VWA8: variants seen among roughly 807,000 people sequenced by gnomAD.
The protein encoded by VWA8 is von Willebrand factor A domain-containing protein 8.
VWA8 carries 221 observed loss-of-function variants against 241.5 expected under a neutral mutation model. The ratio of observed to expected loss-of-function variants is 0.91; its 90% CI spans 0.82 to 1.02. VWA8 has a LOEUF of 1.02. Ranked by LOEUF, VWA8 falls within the 50% of genes least tolerant of loss-of-function variation. VWA8 has a pLI of 0.00. For missense variants in VWA8, 2,322 were observed against 2,328.7 expected, an observed-to-expected ratio of 1.00 and a Z score of 0.06; for synonymous variants, 852 against 827.1, an observed-to-expected ratio of 1.03 and a Z score of -0.52.
In VWA8 at chr13:41,761,286, C is replaced by A; in HGVS notation, c.2350-82G>T. Reference sequence around the variant, plus strand: ...ATGCCAAATCAGAAGAATCTTTTACCAAAACCTGCTTTCTCACCTTGTTAC... The same window carrying A: ...ATGCCAAATCAGAAGAATCTTTTACAAAAACCTGCTTTCTCACCTTGTTAC... On this transcript the variant is annotated intron_variant, in intron 20 of 44. Coordinates refer to ENST00000379310, the MANE Select transcript of VWA8 (RefSeq NM_015058.2). 7 of 1,350,410 alleles carry A rather than the reference C, an allele frequency of 5.2e-6. No individual in the cohort carries two copies. The African/African-American group carries it at 5.9e-5, about 11-fold the overall frequency. The allele number at this position is 1,350,410 out of a possible 1,614,324, so 83.7% of individuals were successfully genotyped here.
intron 30 of VWA8, 129 bp downstream of exon 30, chr13:41,692,733 C>A: frequency 3.2e-6 from 2 of 616,840 alleles, no homozygotes; most frequent in Non-Finnish European, 2.9e-6. Context: ...TCTATACGTG[C>A]ATAACAGGAA....
intron 21 of VWA8, among the ~76,000 whole-genome samples, chr13:41,755,024 T>C (rs977441184): frequency 6.6e-6 from 1 of 152,090 alleles, no homozygotes; most frequent in Non-Finnish European, 1.5e-5. Flanking sequence ...GACCCTTAGG[T>C]TGCTTCTTCC....
intron 12 of VWA8, among the ~76,000 whole-genome samples, chr13:41,852,613 C>A (rs576459228): frequency 4.5e-4 from 69 of 152,154 alleles, no homozygotes; most frequent in Non-Finnish European, 8.4e-4. Flanking sequence ...TGTATTTAAT[C>A]CATTCTTAGT....
intron 17 of VWA8, among the ~76,000 whole-genome samples, chr13:41,792,918 T>C (rs1869524057): frequency 6.6e-6 from 1 of 152,100 alleles, no homozygotes; most frequent in African/African-American, 2.4e-5. Context: ...ATAAATAACC[T>C]CACTAAACTC....
At chr13:41,899,052 C>T (rs915994891) in intron 4 of VWA8, among the ~76,000 whole-genome samples, 1 of 152,228 alleles carries the variant, frequency 6.6e-6, no homozygotes, top group Non-Finnish European at 1.5e-5. Flanking sequence ...GGCTGAAGGA[C>T]TCCTCAAGTG....
intron 4 of VWA8, among the ~76,000 whole-genome samples, chr13:41,894,763 C>T (rs1177174670): frequency 6.6e-6 from 1 of 152,120 alleles, no homozygotes; most frequent in Non-Finnish European, 1.5e-5. Context: ...GTCAATGTGA[C>T]CAGTAATGAG....
At chr13:41,619,407 A>G (rs2044642502) in intron 37 of VWA8, among the ~76,000 whole-genome samples, 2 of 152,200 alleles carry the variant, frequency 1.3e-5, no homozygotes, top group Admixed American at 1.3e-4. Flanking sequence ...CAATCATGTC[A>G]TCTGCAAACA....
chr13:41,568,017 T>TC lies in VWA8; in HGVS notation c.*179dup. The TC allele has an allele frequency of 5.1e-6, 3 of 585,480 alleles. No homozygotes were observed. The highest frequency in any genetic ancestry group is 9.0e-6 in the Non-Finnish European group (3 of 333,194). 36.3% of individuals were successfully genotyped at this position (585,480 alleles called of 1,614,324 possible). A position where few individuals can be genotyped will look rare whatever the true frequency, so the allele number is the denominator to read the frequency against. On this transcript the variant is annotated 3_prime_UTR_variant, in exon 45 of 45. Transcript: ENST00000379310. ...AGTGGAGTATCTTTCCATGTTTAAG[T>TC]CTCCTTCTGGCTGCTTCTCTGAATT...
intron 37 of VWA8, among the ~76,000 whole-genome samples, chr13:41,640,434 C>T (rs115280410): frequency 0.018 from 2,689 of 152,256 alleles, 76 homozygotes; most frequent in African/African-American, 0.059. Context: ...GGATATTCTC[C>T]TTGCTTAATA....
chr13:41,758,323 C>T (rs954822833), intron 21 of VWA8, among the ~76,000 whole-genome samples: 1 of 139,932 alleles, frequency 7.1e-6, no homozygotes, highest in African/African-American at 2.6e-5. Context: ...CTTTATACTA[C>T]TGTAAATAGT....
chr13:41,907,817 GT>G, intron 3 of VWA8, 121 bp from the exon 4 acceptor site: 1 of 705,478 alleles, frequency 1.4e-6, no homozygotes, highest in South Asian at 1.8e-5. Flanking sequence ...CTAATTTTGG[GT>G]TGAAACTTGT....
intron 20 of VWA8, among the ~76,000 whole-genome samples, chr13:41,772,500 T>G (rs1455283255): frequency 2.0e-5 from 3 of 152,002 alleles, no homozygotes; most frequent in African/African-American, 7.3e-5. Flanking sequence ...CTAATAGTAA[T>G]GAAAGGTACA....
At chr13:41,759,881 T>A (rs2045727265) in intron 21 of VWA8, among the ~76,000 whole-genome samples, 2 of 151,708 alleles carry the variant, frequency 1.3e-5, no homozygotes, top group South Asian at 4.1e-4. Flanking sequence ...ATCACCTGAT[T>A]TTTTCAAGGT....
chr13:41,897,633 G>A (rs990955316), intron 4 of VWA8, among the ~76,000 whole-genome samples: 1 of 152,114 alleles, frequency 6.6e-6, no homozygotes. Flanking sequence ...GACCCTCGCG[G>A]TGTGTGTTAC....
chr13:41,944,525 C>A (rs915958329), intron 2 of VWA8, among the ~76,000 whole-genome samples: 1 of 152,144 alleles, frequency 6.6e-6, no homozygotes, highest in African/African-American at 2.4e-5. Flanking sequence ...GTTGCCCAAG[C>A]TGGTCTCAAA....
chr13:41,907,480 A>G lies in VWA8; in HGVS notation c.483+106T>C, dbSNP rs917450903. 8.6e-6 allele frequency: 8 copies of G among 933,030 alleles called. No individual in the cohort carries two copies. In the African/African-American group the frequency reaches 9.8e-5, roughly 11 times the overall value. The allele number at this position is 933,030 out of a possible 1,614,324, so 57.8% of individuals were successfully genotyped here. On this transcript the variant is annotated intron_variant, in intron 4 of 44. Coordinates refer to ENST00000379310, the MANE Select transcript of VWA8 (RefSeq NM_015058.2). ...TAAATCTGTCTAGAGAGAGCACAATACAACTACCTTTTACTGTTATATGAG... is the reference window on the plus strand; with the variant it reads ...TAAATCTGTCTAGAGAGAGCACAATGCAACTACCTTTTACTGTTATATGAG...
intron 37 of VWA8, among the ~76,000 whole-genome samples, chr13:41,656,429 G>A (rs1408345844): frequency 2.0e-5 from 3 of 152,050 alleles, no homozygotes; most frequent in African/African-American, 7.2e-5. Flanking sequence ...CAATATGAGT[G>A]AGCTCTTTTT....
At chr13:41,940,745 G>A (rs1374449007) in intron 2 of VWA8, among the ~76,000 whole-genome samples, 4 of 152,104 alleles carry the variant, frequency 2.6e-5, no homozygotes, top group East Asian at 1.9e-4. Context: ...CTCCTTAGCC[G>A]AATTTTTCTT....
chr13:41,830,741 G>A, intron 13 of VWA8, 99 bp from the exon 14 acceptor site: 2 of 971,502 alleles, frequency 2.1e-6, no homozygotes, highest in Non-Finnish European at 3.0e-6. Flanking sequence ...ATTATTGCTG[G>A]CAATTGAGTC....
Sources: gnomAD v4.1 joint callset for allele counts (sites outside exome capture counted in the v4.1 genomes callset) on GRCh38, gnomAD v4.1.1 for gene constraint, MANE v1.5 for transcripts, NCBI Gene and HGNC (gene_info 2026-07-23, HGNC 2026-07-21) for gene names.